Variants in VWA3A observed in about 807,000 individuals in gnomAD.
VWA3A encodes the protein von Willebrand factor A domain containing 3A, also known as von Willebrand factor A domain-containing protein 3A.
Under a neutral mutation model 160.4 loss-of-function variants are expected in VWA3A, and 134 were observed. That is an observed-to-expected ratio of 0.84 (90% CI 0.73 to 0.96). The LOEUF (loss-of-function observed/expected upper bound fraction) is 0.96, where lower values mean the gene tolerates loss of function less well. Among genes scored for constraint, VWA3A ranks in the 40% least tolerant of loss-of-function variants. VWA3A has a pLI of 0.00. For missense variants in VWA3A, 1,310 were observed against 1,447.9 expected (o/e 0.90, Z 1.55); for synonymous variants, 476 against 543.4 (o/e 0.88, Z 1.72).
intron 14 of VWA3A, among the ~76,000 whole-genome samples, chr16:22,122,693 T>C (rs1454796409): frequency 6.6e-6 from 1 of 152,158 alleles, no homozygotes; most frequent in Non-Finnish European, 1.5e-5. Flanking sequence ...CTGTCTAGGT[T>C]CCCAAACCTA....
chr16:22,116,243 A>G, intron 9 of VWA3A: 1 of 400,036 alleles, frequency 2.5e-6, no homozygotes, highest in Non-Finnish European at 4.7e-6. Context: ...AAAGGAAAGA[A>G]GGAAAGATGG....
chr16:22,099,797 G>C (rs1411937561), intron 3 of VWA3A, among the ~76,000 whole-genome samples: 3 of 152,144 alleles, frequency 2.0e-5, no homozygotes, highest in Non-Finnish European at 4.4e-5. Context: ...CCAGGGGGCT[G>C]GGTACAGCAG....
rs1452969147 is a variant in VWA3A at position 22,149,902 on chromosome 16, G to A, written c.3100G>A (p.Gly1034Ser). The A allele has an allele frequency of 6.2e-7, 1 of 1,610,830 alleles. No homozygotes were observed. The highest frequency in any genetic ancestry group is 1.1e-5 in the South Asian group (1 of 90,632). Residue 1034 changes from glycine (G) to serine (S), a missense_variant, in exon 29 of 34, where the codon GGC becomes AGC. Transcript: ENST00000389398. ...ATGGGTGACCCACCTGCAAGCTCAG[G>A]GCAGCACCTCCATCTTGCAAGCATT... is the stretch of plus-strand genomic sequence containing the variant. ...MQWVTHLQAQ[G>S]STSILQALLK...
At chr16:22,103,096 C>A (rs1197115746) in intron 5 of VWA3A, among the ~76,000 whole-genome samples, 1 of 152,210 alleles carries the variant, frequency 6.6e-6, no homozygotes, top group Non-Finnish European at 1.5e-5. Context: ...TGCAGTGGAA[C>A]AATCATAACT....
intron 21 of VWA3A, among the ~76,000 whole-genome samples, chr16:22,134,794 T>A (rs1387044760): frequency 6.6e-6 from 1 of 152,212 alleles, no homozygotes; most frequent in Non-Finnish European, 1.5e-5. Flanking sequence ...ATAGCAAAGA[T>A]AGCTGGAGAT....
At chr16:22,120,432 G>T (rs958177232) in intron 12 of VWA3A, among the ~76,000 whole-genome samples, 9 of 152,138 alleles carry the variant, frequency 5.9e-5, no homozygotes, top group Non-Finnish European at 1.2e-4. Flanking sequence ...TAACTAAAAA[G>T]CATTAATGTT....
At chr16:22,124,527 C>T (rs1371730993) in intron 16 of VWA3A, among the ~76,000 whole-genome samples, 1 of 142,430 alleles carries the variant, frequency 7.0e-6, no homozygotes, top group Non-Finnish European at 1.5e-5. Flanking sequence ...TAATACTATA[C>T]ATCTATTATT....
At chr16:22,112,067 G>A (rs2141874886) in intron 8 of VWA3A, among the ~76,000 whole-genome samples, 1 of 152,274 alleles carries the variant, frequency 6.6e-6, no homozygotes, top group Non-Finnish European at 1.5e-5. Flanking sequence ...TTCTCTGTCA[G>A]TGCATACAAA....
At chr16:22,145,640 CAAA>C (rs201708423) in intron 26 of VWA3A, among the ~76,000 whole-genome samples, 1 of 87,130 alleles carries the variant, frequency 1.1e-5, no homozygotes. Context: ...GACTCTGTCT[CAAA>C]AAAAAAAAAA....
At chr16:22,126,157 A>G in intron 16 of VWA3A, 21 bp from the exon 17 acceptor site, 1 of 1,612,968 alleles carries the variant, frequency 6.2e-7, no homozygotes, top group Non-Finnish European at 8.5e-7. Flanking sequence ...TTCTCCTCTT[A>G]AAGCTCGTGT....
In VWA3A at chr16:22,138,456, A is replaced by C. The variant is rs1458790677; in HGVS notation, c.2236A>C (p.Ser746Arg). Residue 746 changes from serine (S) to arginine (R), a missense_variant, in exon 22 of 34, where the codon AGT becomes CGT. Physicochemically the swap from Ser to Arg is moderately radical, Grantham distance 110 (BLOSUM62 -1). Coordinates refer to ENST00000389398, the MANE Select transcript of VWA3A (RefSeq NM_173615.5). ...KEKPKTLQLR[S>R]QPKKLCPPRP... ...AAAACCAAAGACACTTCAGCTAAGA[A>C]GTCAGCCCAAGAAGCTCTGCCCTCC... 1 of 1,613,488 alleles carries C rather than the reference A, an allele frequency of 6.2e-7. No homozygotes were observed. Among genetic ancestry groups the C allele is most frequent in the African/African-American group, 1.3e-5 (1 of 74,866 alleles).
rs1272967937 is a variant in VWA3A at position 22,132,927 on chromosome 16, GC to G, written c.1902del (p.Cys635ValfsTer8). The G allele has an allele frequency of 6.2e-7, 1 of 1,613,562 alleles. No individual in the cohort carries two copies. Among genetic ancestry groups the G allele is most frequent in the African/African-American group, 1.3e-5 (1 of 74,922 alleles). On this transcript the variant is annotated frameshift_variant, in exon 20 of 34. Transcript: ENST00000389398. LOFTEE classifies it high-confidence loss of function. Reference protein sequence around the residue: ...MPTLSAYMAEACGGCDLQLNV... With the variant: ...MPTLSAYMAEXCGGCDLQLNV... ...TACACTCAGTGCCTACATGGCTGAG[GC>G]CTGTGGCGGCTGCGACCTCCAGCTG...
chr16:22,129,402 AAAAG>A (rs1555458652), intron 17 of VWA3A, among the ~76,000 whole-genome samples: 9,633 of 118,384 alleles, frequency 0.081, 419 homozygotes, highest in African/African-American at 0.16. Flanking sequence ...AAAAAAAAAA[AAAAG>A]AAAGAAAGAA....
intron 25 of VWA3A, among the ~76,000 whole-genome samples, chr16:22,143,757 T>C (rs890444765): frequency 2.6e-5 from 4 of 151,518 alleles, no homozygotes; most frequent in Non-Finnish European, 4.4e-5. Flanking sequence ...TTCTTTTTTT[T>C]TTTTTTTGAG....
chr16:22,129,980 G>C (rs2045920745), intron 17 of VWA3A, among the ~76,000 whole-genome samples: 1 of 152,116 alleles, frequency 6.6e-6, no homozygotes, highest in Non-Finnish European at 1.5e-5. Flanking sequence ...TTGAGGCCAG[G>C]AGTTTGAGAC....
In VWA3A at chr16:22,098,924, A is replaced by T. The variant is rs1020786217; in HGVS notation, c.225+1229A>T. Among the ~76,000 whole-genome samples, 44 of 150,200 alleles carry T rather than the reference A, an allele frequency of 2.9e-4. 2 individuals carry two copies. In the South Asian group the frequency reaches 9.4e-3, roughly 32 times the overall value. On this transcript the variant is annotated intron_variant, in intron 3 of 33. Transcript: ENST00000389398. ...ACCCTGTTTCCACAAAAAAAAAAAA[A>T]AAAAAAAAAAAAAATACACAAATTA...
chr16:22,103,200 A>T (rs1330231428), intron 5 of VWA3A, among the ~76,000 whole-genome samples: 2 of 151,846 alleles, frequency 1.3e-5, no homozygotes, highest in Non-Finnish European at 2.9e-5. Context: ...TACCCAGCAA[A>T]TTTTTTTATT....
chr16:22,120,435 T>C (rs1158833788), intron 12 of VWA3A, among the ~76,000 whole-genome samples: 4 of 152,220 alleles, frequency 2.6e-5, no homozygotes, highest in Non-Finnish European at 5.9e-5. Context: ...CTAAAAAGCA[T>C]TAATGTTACA....
intron 22 of VWA3A, among the ~76,000 whole-genome samples, chr16:22,139,883 A>T (rs1216849916): frequency 6.6e-6 from 1 of 151,648 alleles, no homozygotes; most frequent in Non-Finnish European, 1.5e-5. Flanking sequence ...CTCTCATCTC[A>T]CACACACACA....
Sources: gnomAD v4.1 joint callset for allele counts (sites outside exome capture counted in the v4.1 genomes callset) on GRCh38, gnomAD v4.1.1 for gene constraint, MANE v1.5 for transcripts, NCBI Gene and HGNC (gene_info 2026-07-23, HGNC 2026-07-21) for gene names.